Variants in CTCF observed in about 807,000 individuals in gnomAD.
CTCF encodes CCCTC-binding factor.
CTCF carries 7 observed loss-of-function variants against 72.3 expected under a neutral mutation model. That is an observed-to-expected ratio of 0.10 (90% CI 0.06 to 0.18). The LOEUF (loss-of-function observed/expected upper bound fraction) is 0.18. Among genes scored for constraint, CTCF ranks in the 10% least tolerant of loss-of-function variants. The pLI, the probability that CTCF is intolerant of heterozygous loss-of-function variation, is 1.00. For synonymous variants in CTCF, 374 were observed against 315.8 expected (o/e 1.18, Z -1.95); for missense variants, 516 against 949.1 (o/e 0.54, Z 6.00).
intron 1 of CTCF, among the ~76,000 whole-genome samples, chr16:67,564,345 A>T (rs1256657752): frequency 6.6e-6 from 1 of 152,218 alleles, no homozygotes; most frequent in Non-Finnish European, 1.5e-5. Flanking sequence ...TTAGGAAGGA[A>T]GCTATGTTAA....
At chr16:67,618,280 T>G (rs1362208455) in intron 5 of CTCF, among the ~76,000 whole-genome samples, 1 of 152,174 alleles carries the variant, frequency 6.6e-6, no homozygotes, top group African/African-American at 2.4e-5. Context: ...CATGCGCCTG[T>G]AGTCTCAGCG....
intron 7 of CTCF, among the ~76,000 whole-genome samples, chr16:67,622,405 C>T (rs1318339946): frequency 6.6e-6 from 1 of 151,874 alleles, no homozygotes. Context: ...CTCTCCCTTA[C>T]CTCATATCTA....
intron 2 of CTCF, among the ~76,000 whole-genome samples, chr16:67,605,774 G>GTC (rs1055643277): frequency 2.0e-5 from 3 of 152,218 alleles, no homozygotes; most frequent in Non-Finnish European, 4.4e-5. Flanking sequence ...TTGTGCCAGG[G>GTC]ATGAGCTGGT....
At chr16:67,621,917 T>A (rs2052204645) in intron 7 of CTCF, among the ~76,000 whole-genome samples, 1 of 152,138 alleles carries the variant, frequency 6.6e-6, no homozygotes, top group African/African-American at 2.4e-5. Context: ...TAACATAGTG[T>A]GATTCAAACT....
intron 2 of CTCF, among the ~76,000 whole-genome samples, chr16:67,604,275 C>T (rs1199478339): frequency 6.6e-6 from 1 of 152,176 alleles, no homozygotes; most frequent in East Asian, 1.9e-4. Context: ...TACCACTGCA[C>T]TCCAGTCTGG....
rs754038327 is a variant in CTCF at position 67,639,077 on chromosome 16, C to T, written c.*1205C>T. The T allele has an allele frequency of 4.5e-5, 9 of 201,128 alleles. No individual in the cohort carries two copies. The highest frequency in any genetic ancestry group is 7.7e-5 in the East Asian group (1 of 13,048). 12.5% of individuals were successfully genotyped at this position (201,128 alleles called of 1,614,324 possible). ...TGTGATATTTTTCATTATTTTAGGACGCCAACATGAGACCTGTAATAAAAT... is the reference window on the plus strand; with the variant it reads ...TGTGATATTTTTCATTATTTTAGGATGCCAACATGAGACCTGTAATAAAAT... On this transcript the variant is annotated 3_prime_UTR_variant, in exon 12 of 12. Coordinates refer to ENST00000264010, the MANE Select transcript of CTCF (RefSeq NM_006565.4).
In CTCF at chr16:67,601,965, G is replaced by C. The variant is rs189415426; in HGVS notation, c.-9-8859G>C. On this transcript the variant is annotated intron_variant, in intron 2 of 11. Coordinates refer to ENST00000264010, the MANE Select transcript of CTCF (RefSeq NM_006565.4). ...TGCAGCCTCCGCCTCCAGGGTTCAC[G>C]CGATTCTCCTGCCTCAGCCTCCCAA... Among the ~76,000 whole-genome samples the C allele has an allele frequency of 4.4e-3, 661 of 150,864 alleles. 8 individuals are homozygous for C. Among genetic ancestry groups the C allele is most frequent in the African/African-American group, 0.015 (630 of 41,090 alleles).
At chr16:67,603,891 G>A (rs982718925) in intron 2 of CTCF, among the ~76,000 whole-genome samples, 2 of 151,406 alleles carry the variant, frequency 1.3e-5, no homozygotes, top group East Asian at 3.9e-4. Context: ...CAATTTGGGA[G>A]GCTGAGGCGG....
intron 10 of CTCF, among the ~76,000 whole-genome samples, chr16:67,632,372 C>T (rs1206466347): frequency 6.6e-6 from 1 of 152,178 alleles, no homozygotes; most frequent in African/African-American, 2.4e-5. Context: ...TGATAGATTT[C>T]TACAGTTCTG....
Position 67,636,835 on chromosome 16 carries a change from G to A in CTCF, c.1983G>A (p.Gln661=), listed in dbSNP as rs2142887265. Residue 661 remains glutamine, a synonymous_variant, in exon 11 of 12, where the codon CAG becomes CAA. Coordinates refer to ENST00000264010, the MANE Select transcript of CTCF (RefSeq NM_006565.4). ...RRGRPPGRTN[Q]PKQNQPTAII... ...GACGACCCCCTGGCAGAACCAACCA[G>A]CCCAAACAGAACCAGCGTAAGTTGT... 6.3e-7 allele frequency: 1 copy of A among 1,593,920 alleles called. No individual in the cohort carries two copies. The highest frequency in any genetic ancestry group is 1.1e-5 in the South Asian group (1 of 87,174).
At chr16:67,606,481 T>G (rs1396159490) in intron 2 of CTCF, among the ~76,000 whole-genome samples, 1 of 152,222 alleles carries the variant, frequency 6.6e-6, no homozygotes, top group Non-Finnish European at 1.5e-5. Flanking sequence ...GGACCAGGCC[T>G]CCCAAAATGC....
chr16:67,595,192 C>T (rs1212138851), intron 2 of CTCF, among the ~76,000 whole-genome samples: 1 of 152,190 alleles, frequency 6.6e-6, no homozygotes, highest in Non-Finnish European at 1.5e-5. Context: ...GCCTGCAAAG[C>T]TGTTCTGTCT....
chr16:67,597,521 T>C (rs2142780778), intron 2 of CTCF, among the ~76,000 whole-genome samples: 1 of 152,250 alleles, frequency 6.6e-6, no homozygotes, highest in African/African-American at 2.4e-5. Flanking sequence ...GTATTTTTAG[T>C]GGAGACGGGG....
Position 67,616,791 on chromosome 16 carries a change from C to T in CTCF, c.999C>T (p.Thr333=). The T allele has an allele frequency of 6.2e-7, 1 of 1,614,130 alleles. No homozygotes were observed. The highest frequency in any genetic ancestry group is 8.5e-7 in the Non-Finnish European group (1 of 1,180,018). ...CAGACTGCGACATGGCCTTTGTGAC[C>T]AGTGGAGAATTGGTTCGGCATCGTC... is the stretch of plus-strand genomic sequence containing the variant. ...KCPDCDMAFV[T]SGELVRHRRY... The change falls in exon 5 of 12, where the codon ACC becomes ACT. Residue 333 remains threonine (T), a synonymous_variant. Coordinates refer to ENST00000264010, the MANE Select transcript of CTCF (RefSeq NM_006565.4).
chr16:67,581,142 A>G (rs1474206910), intron 2 of CTCF, among the ~76,000 whole-genome samples: 1 of 148,056 alleles, frequency 6.8e-6, no homozygotes, highest in Non-Finnish European at 1.5e-5. Context: ...GTTAGCCAGG[A>G]TGGTCTCGAT....
chr16:67,611,632 T>C lies in CTCF; in HGVS notation c.781+19T>C, dbSNP rs747983604. ...AAGAAAGGTAAAACGAGTTTATCCA[T>C]AGTGGTTTCATAAAACCATTTTGGG... On this transcript the variant is annotated intron_variant, in intron 3 of 11. Transcript: ENST00000264010. The C allele has an allele frequency of 8.3e-5, 133 of 1,598,894 alleles. No individual in the cohort carries two copies. Among genetic ancestry groups the C allele is most frequent in the Non-Finnish European group, 1.1e-4 (130 of 1,174,208 alleles).
chr16:67,564,279 GT>G (rs1567587243), intron 1 of CTCF, among the ~76,000 whole-genome samples: 1 of 152,254 alleles, frequency 6.6e-6, no homozygotes, highest in Non-Finnish European at 1.5e-5. Context: ...CATTGCAGCA[GT>G]TAATGTATCA....
At chr16:67,605,217 C>T (rs2051958494) in intron 2 of CTCF, among the ~76,000 whole-genome samples, 1 of 152,114 alleles carries the variant, frequency 6.6e-6, no homozygotes, top group South Asian at 2.1e-4. Context: ...TCATGATCCA[C>T]CCGCCTTCGC....
chr16:67,636,321 G>A (rs1322593088), intron 10 of CTCF, among the ~76,000 whole-genome samples: 1 of 151,490 alleles, frequency 6.6e-6, no homozygotes, highest in Non-Finnish European at 1.5e-5. Flanking sequence ...GCAGTGAGCT[G>A]AGATCGTGCC....
Sources: gnomAD v4.1 joint callset for allele counts (sites outside exome capture counted in the v4.1 genomes callset) on GRCh38, gnomAD v4.1.1 for gene constraint, MANE v1.5 for transcripts, NCBI Gene and HGNC (gene_info 2026-07-23, HGNC 2026-07-21) for gene names.